Variants in TAFA2 observed in about 807,000 individuals in gnomAD.
The protein encoded by TAFA2 is chemokine-like protein TAFA-2.
In TAFA2, 7 loss-of-function variants were observed where a neutral mutation model predicts 18.8. The observed-to-expected ratio is 0.37, with a 90% confidence interval of 0.21 to 0.70. The LOEUF (loss-of-function observed/expected upper bound fraction) is 0.70. TAFA2 is among the 30% of genes least tolerant of loss of function. The pLI, the probability that TAFA2 is intolerant of heterozygous loss-of-function variation, is 0.53. For synonymous variants in TAFA2, 60 were observed against 54.2 expected, an observed-to-expected ratio of 1.11 and a Z score of -0.47; for missense variants, 122 against 158.1, an observed-to-expected ratio of 0.77 and a Z score of 1.23.
chr12:62,036,116 T>G (rs910293918), intron 1 of TAFA2, among the ~76,000 whole-genome samples: 1 of 151,966 alleles, frequency 6.6e-6, no homozygotes, highest in Admixed American at 6.6e-5. Context: ...ACCCACTAGG[T>G]GCCAATAGAA....
At chr12:62,100,942 AAG>A (rs1286816771) in intron 1 of TAFA2, among the ~76,000 whole-genome samples, 1 of 152,196 alleles carries the variant, frequency 6.6e-6, no homozygotes, top group Non-Finnish European at 1.5e-5. Context: ...GTCAGGAAAA[AAG>A]GTCTTAATCA....
At chr12:61,967,685 A>T (rs1296839712) in intron 1 of TAFA2, among the ~76,000 whole-genome samples, 2 of 151,874 alleles carry the variant, frequency 1.3e-5, no homozygotes, top group Non-Finnish European at 2.9e-5. Context: ...TAGAATACCA[A>T]ATATTTCCAT....
intron 1 of TAFA2, among the ~76,000 whole-genome samples, chr12:62,075,701 C>G (rs921784554): frequency 6.6e-6 from 1 of 152,146 alleles, no homozygotes; most frequent in Admixed American, 6.5e-5. Flanking sequence ...CATACGCACA[C>G]ATATATATTG....
chr12:61,954,472 C>T (rs1878582886), intron 1 of TAFA2, among the ~76,000 whole-genome samples: 1 of 152,098 alleles, frequency 6.6e-6, no homozygotes, highest in Admixed American at 6.6e-5. Context: ...AGAGTCATCT[C>T]ATTCATAGTA....
intron 1 of TAFA2, among the ~76,000 whole-genome samples, chr12:62,165,734 T>A (rs1227146123): frequency 2.6e-5 from 4 of 152,066 alleles, no homozygotes; most frequent in Admixed American, 2.0e-4. Flanking sequence ...CCATTTCCAC[T>A]GACATCACAT....
At chr12:62,212,733 A>G (rs2062719429) in intron 1 of TAFA2, among the ~76,000 whole-genome samples, 1 of 152,224 alleles carries the variant, frequency 6.6e-6, no homozygotes, top group Non-Finnish European at 1.5e-5. Flanking sequence ...CCTCTTTTTT[A>G]TTCATTTGGC....
intron 4 of TAFA2, among the ~76,000 whole-genome samples, chr12:61,728,482 T>C (rs1047099967): frequency 1.3e-5 from 2 of 151,948 alleles, no homozygotes; most frequent in African/African-American, 4.8e-5. Context: ...TATAATGTCC[T>C]TCTTCCTCCT....
At chr12:62,141,514 A>G (rs1305846990) in intron 1 of TAFA2, among the ~76,000 whole-genome samples, 2 of 152,186 alleles carry the variant, frequency 1.3e-5, no homozygotes, top group Non-Finnish European at 2.9e-5. Context: ...CAGACTTGCT[A>G]TTCATGCCAT....
chr12:61,807,092 C>T (rs1245916998), intron 2 of TAFA2, among the ~76,000 whole-genome samples: 1 of 146,930 alleles, frequency 6.8e-6, no homozygotes, highest in Non-Finnish European at 1.5e-5. Flanking sequence ...AAAATATCTC[C>T]AGGGCATGTC....
chr12:62,019,325 G>T (rs1182020225), intron 1 of TAFA2, among the ~76,000 whole-genome samples: 1 of 151,722 alleles, frequency 6.6e-6, no homozygotes, highest in Non-Finnish European at 1.5e-5. Context: ...CCATTACTGG[G>T]TATATACCCA....
intron 2 of TAFA2, among the ~76,000 whole-genome samples, chr12:61,855,237 A>C (rs539121783): frequency 6.6e-6 from 1 of 152,212 alleles, no homozygotes; most frequent in Non-Finnish European, 1.5e-5. Context: ...CATTTCAGCC[A>C]TAGCAAAGTA....
intron 2 of TAFA2, among the ~76,000 whole-genome samples, chr12:61,857,670 G>A (rs929381287): frequency 6.6e-6 from 1 of 152,108 alleles, no homozygotes; most frequent in African/African-American, 2.4e-5. Context: ...TTTTCAAAAC[G>A]ATTCTGAAGT....
In TAFA2 at chr12:61,808,281, C is replaced by A. The variant is rs966245523; in HGVS notation, c.107-53257G>T. Among the ~76,000 whole-genome samples the A allele has an allele frequency of 1.1e-4, 16 of 151,572 alleles. 1 individual carries two copies. The highest frequency in any genetic ancestry group is 1.5e-5 in the Non-Finnish European group (1 of 68,042). ...CAAGCTCTCTTCTCTTGTCTGCCAC[C>A]ATGTGAGACATGCCTTTCACCTTCT... On this transcript the variant is annotated intron_variant, in intron 2 of 4. Coordinates refer to ENST00000416284, the MANE Select transcript of TAFA2 (RefSeq NM_178539.5).
At chr12:61,937,338 A>G (rs1206761124) in intron 1 of TAFA2, among the ~76,000 whole-genome samples, 2 of 152,178 alleles carry the variant, frequency 1.3e-5, no homozygotes, top group Non-Finnish European at 2.9e-5. Flanking sequence ...AAAGAGCCCA[A>G]ATAGTCAAAG....
rs1045456882 is a variant in TAFA2 at position 61,995,417 on chromosome 12, C to G, written c.-1-127991G>C. Among the ~76,000 whole-genome samples the G allele has an allele frequency of 2.6e-5, 4 of 152,338 alleles. No homozygotes were observed. The East Asian group carries it at 7.7e-4, about 29-fold the overall frequency. On this transcript the variant is annotated intron_variant, in intron 1 of 4. Transcript: ENST00000416284. ...TTCGTTTCAAATGTCTTCTTCACTA[C>G]ATTTTCTCTAATTGTATACTATGTT...
At chr12:61,744,195 C>A (rs998863460) in intron 4 of TAFA2, among the ~76,000 whole-genome samples, 17 of 152,090 alleles carry the variant, frequency 1.1e-4, no homozygotes, top group Admixed American at 3.3e-4. Flanking sequence ...TAAAGATGTA[C>A]CTTGCAGTTG....
chr12:62,033,268 A>G (rs1177475287), intron 1 of TAFA2, among the ~76,000 whole-genome samples: 1 of 152,218 alleles, frequency 6.6e-6, no homozygotes, highest in Non-Finnish European at 1.5e-5. Context: ...TTTCATGAAC[A>G]TACATATATT....
At chr12:61,871,972 G>C (rs1874625198) in intron 1 of TAFA2, among the ~76,000 whole-genome samples, 1 of 152,084 alleles carries the variant, frequency 6.6e-6, no homozygotes, top group African/African-American at 2.4e-5. Context: ...GGCGCCTGTA[G>C]TCCTAGCTAC....
chr12:61,980,284 G>T (rs913252818), intron 1 of TAFA2, among the ~76,000 whole-genome samples: 15 of 152,022 alleles, frequency 9.9e-5, no homozygotes, highest in Non-Finnish European at 1.9e-4. Context: ...CAATAAACTA[G>T]GTATTGATAG....
Sources: allele counts gnomAD v4.1 joint callset (sites outside exome capture counted in the v4.1 genomes callset), GRCh38; gene constraint gnomAD v4.1.1; transcripts MANE v1.5; gene names NCBI Gene and HGNC (gene_info 2026-07-23, HGNC 2026-07-21).